The following RNLS variants were observed in gnomAD, a reference collection of about 807,000 sequenced individuals.
The protein encoded by RNLS is renalase, FAD dependent amine oxidase, also known as renalase.
RNLS carries 39 observed loss-of-function variants against 39.8 expected under a neutral mutation model. The ratio of observed to expected loss-of-function variants is 0.98; its 90% CI spans 0.76 to 1.28. RNLS has a LOEUF of 1.28. Ranked by LOEUF, RNLS falls within the 50% of genes most tolerant of loss-of-function variation. The pLI is 0.00. For synonymous variants in RNLS, 147 were observed against 150.7 expected, an observed-to-expected ratio of 0.98 and a Z score of 0.18; for missense variants, 410 against 413.3, an observed-to-expected ratio of 0.99 and a Z score of 0.07.
chr10:88,349,039 G>A (rs974229643), intron 5 of RNLS, among the ~76,000 whole-genome samples: 15 of 151,996 alleles, frequency 9.9e-5, no homozygotes, highest in African/African-American at 3.1e-4. Context: ...GTTTCATGAC[G>A]GTAGGGACTA....
rs533324361 is a variant in RNLS at position 88,347,858 on chromosome 10, T to A, written c.700+14694A>T. Among the ~76,000 whole-genome samples, 5 of 152,252 alleles carry A rather than the reference T, an allele frequency of 3.3e-5. No individual in the cohort carries two copies. In the East Asian group the frequency reaches 7.7e-4, roughly 23 times the overall value. ...TTTCTCCTCAATTAGGCAGAGTAATTTAGCTCTCTCTCCTCCCATTTTCAA... is the reference window on the plus strand; with the variant it reads ...TTTCTCCTCAATTAGGCAGAGTAATATAGCTCTCTCTCCTCCCATTTTCAA... On this transcript the variant is annotated intron_variant, in intron 5 of 6. Transcript: ENST00000331772.
chr10:88,395,416 A>G (rs1012768190), intron 4 of RNLS, among the ~76,000 whole-genome samples: 1 of 152,012 alleles, frequency 6.6e-6, no homozygotes, highest in Non-Finnish European at 1.5e-5. Flanking sequence ...AATATAAAAT[A>G]GAGCAAAACA....
intron 5 of RNLS, among the ~76,000 whole-genome samples, chr10:88,324,158 C>T (rs540957566): frequency 4.0e-5 from 6 of 151,880 alleles, no homozygotes; most frequent in Middle Eastern, 3.2e-3. Context: ...TTAACCCCTA[C>T]GGAAAACGGT....
At chr10:88,310,315 A>G (rs138838429) in intron 6 of RNLS, among the ~76,000 whole-genome samples, 1 of 152,320 alleles carries the variant, frequency 6.6e-6, no homozygotes, top group African/African-American at 2.4e-5. Context: ...TGATTTATTC[A>G]GGTAATAGCG....
At chr10:88,469,822 CGTGT>C (rs199651876) in intron 4 of RNLS, among the ~76,000 whole-genome samples, 47,023 of 137,922 alleles carry the variant, frequency 0.34, 8,963 homozygotes, top group Non-Finnish European at 0.45. Context: ...TATGTGTGTG[CGTGT>C]GTGTGTGTGT....
At chr10:88,351,905 G>A (rs1344015665) in intron 5 of RNLS, among the ~76,000 whole-genome samples, 4 of 152,120 alleles carry the variant, frequency 2.6e-5, no homozygotes, top group African/African-American at 9.7e-5. Flanking sequence ...AGTTCTCCTT[G>A]AAGAGGTCCT....
chr10:88,517,703 A>T (rs1451755201), intron 4 of RNLS, among the ~76,000 whole-genome samples: 1 of 151,914 alleles, frequency 6.6e-6, no homozygotes, highest in African/African-American at 2.4e-5. Flanking sequence ...GAAACTTCTC[A>T]TAAACACAAA....
chr10:88,203,452 GTGTGTA>G, the RNLS span, among the ~76,000 whole-genome samples: 1 of 578 alleles, frequency 1.7e-3, no homozygotes, highest in African/African-American at 0.019. Flanking sequence ...GTGTGTGTGT[GTGTGTA>G]TATATATATA....
chr10:88,368,489 A>G (rs1265403728), intron 4 of RNLS, among the ~76,000 whole-genome samples: 1 of 152,118 alleles, frequency 6.6e-6, no homozygotes, highest in Non-Finnish European at 1.5e-5. Flanking sequence ...ATGTAAAAAT[A>G]TCACCATATT....
rs139867543 is a variant in RNLS at position 88,551,319 on chromosome 10, A to G, written c.526+21584T>C. 2.7e-3 allele frequency among the ~76,000 whole-genome samples: 404 copies of G among 152,342 alleles called. 1 individual carries two copies. The highest frequency in any genetic ancestry group is 9.3e-3 in the African/African-American group (388 of 41,586). On this transcript the variant is annotated intron_variant, in intron 4 of 6. Transcript: ENST00000331772. The stretch of plus-strand genomic sequence containing the variant: ...TTATCTAAAATTTTTTAATATTTTC[A>G]AAAGTCTAAAGAAAGAAACCACTGC...
At chr10:88,512,316 A>AT (rs1846168908) in intron 4 of RNLS, among the ~76,000 whole-genome samples, 1 of 152,170 alleles carries the variant, frequency 6.6e-6, no homozygotes, top group Non-Finnish European at 1.5e-5. Context: ...TCTAAAGTAA[A>AT]TTATCTCTGT....
rs545867354 is a variant in RNLS at position 88,471,838 on chromosome 10, A to G, written c.526+101065T>C. ...TGACAACACATGCTCAATGTTGCCA[A>G]CCAGAAAGGCTCACATGAGCCTTGG... On this transcript the variant is annotated intron_variant, in intron 4 of 6. Transcript: ENST00000331772. Among the ~76,000 whole-genome samples, 10 of 152,268 alleles carry G rather than the reference A, an allele frequency of 6.6e-5. No individual in the cohort carries two copies. In the South Asian group the frequency reaches 1.9e-3, roughly 28 times the overall value.
the RNLS span, among the ~76,000 whole-genome samples, chr10:88,193,965 C>T: frequency 6.6e-6 from 1 of 152,212 alleles, no homozygotes; most frequent in African/African-American, 2.4e-5. Context: ...CACTACTCCT[C>T]TTGGCTAATT....
chr10:88,290,052 T>A (rs181329719), intron 6 of RNLS, among the ~76,000 whole-genome samples: 19 of 152,130 alleles, frequency 1.2e-4, no homozygotes, highest in African/African-American at 4.3e-4. Context: ...CACAAAAAAG[T>A]GCTTTTGGTG....
intron 4 of RNLS, 73 bp from the exon 5 acceptor site, chr10:88,362,798 T>C (rs3740280): frequency 2.8e-6 from 4 of 1,445,230 alleles, no homozygotes; most frequent in Non-Finnish European, 2.8e-6. Flanking sequence ...AATATAAAAT[T>C]CCTTTAAACC....
chr10:88,258,240 G>A, the RNLS span, among the ~76,000 whole-genome samples: 3 of 152,144 alleles, frequency 2.0e-5, no homozygotes, highest in Non-Finnish European at 4.4e-5. Context: ...TGTGACTGAC[G>A]GTGACATTGG....
chr10:88,473,263 A>G (rs1843646353), intron 4 of RNLS, among the ~76,000 whole-genome samples: 2 of 152,242 alleles, frequency 1.3e-5, no homozygotes, highest in Non-Finnish European at 2.9e-5. Context: ...ACATGACTGT[A>G]TATCTCAAAC....
At chr10:88,493,648 C>A (rs142076813) in intron 4 of RNLS, among the ~76,000 whole-genome samples, 11 of 152,166 alleles carry the variant, frequency 7.2e-5, no homozygotes, top group African/African-American at 2.6e-4. Context: ...AGGGATAGAT[C>A]TATGAACTTA....
At chr10:88,552,946 T>C (rs1322686226) in intron 4 of RNLS, among the ~76,000 whole-genome samples, 1 of 152,218 alleles carries the variant, frequency 6.6e-6, no homozygotes, top group Non-Finnish European at 1.5e-5. Flanking sequence ...GCAACTACAT[T>C]TATACAAATA....
Sources: gnomAD v4.1 joint callset for allele counts (sites outside exome capture counted in the v4.1 genomes callset) on GRCh38, gnomAD v4.1.1 for gene constraint, MANE v1.5 for transcripts, NCBI Gene and HGNC (gene_info 2026-07-23, HGNC 2026-07-21) for gene names.